Variants in CFH observed in about 807,000 individuals in gnomAD.
The protein encoded by CFH is complement factor H, also known as H factor 1 (complement).
In CFH, 53 loss-of-function variants were observed where a neutral mutation model predicts 147.3. The observed-to-expected ratio is 0.36, with a 90% CI of 0.29 to 0.45. The LOEUF (loss-of-function observed/expected upper bound fraction) is 0.45, where lower values mean the gene tolerates loss of function less well. CFH is among the 20% of genes least tolerant of loss of function. The pLI, the probability that CFH is intolerant of heterozygous loss-of-function variation, is 1.00. For synonymous variants in CFH, 536 were observed against 489.4 expected, an observed-to-expected ratio of 1.10 and a Z score of -1.26; for missense variants, 1,380 against 1,498.0, an observed-to-expected ratio of 0.92 and a Z score of 1.30.
At chr1:196,662,699 C>T (rs562540653) in intron 1 of CFH, among the ~76,000 whole-genome samples, 8 of 151,718 alleles carry the variant, frequency 5.3e-5, no homozygotes, top group Middle Eastern at 3.4e-3. Context: ...CTGGGCAAAA[C>T]GGCAAAACCT....
rs773951949 is a variant in CFH, at chr1:196,675,955, T to C, written c.351-34T>C. On this transcript the variant is annotated intron_variant, in intron 3 of 21. Transcript: ENST00000367429. The stretch of plus-strand genomic sequence containing the variant: ...GTTTAAAACTGCATGTAAACACACA[T>C]TATGTCAACGTTCTGTTATTTTTTG... The C allele has an allele frequency of 4.9e-6, 7 of 1,416,572 alleles. No individual in the cohort carries two copies. The African/African-American group carries it at 8.5e-5, about 17-fold the overall frequency. 87.8% of individuals were successfully genotyped at this position (1,416,572 alleles called of 1,614,324 possible). A position where few individuals can be genotyped will look rare whatever the true frequency, so the allele number is the denominator to read the frequency against.
chr1:196,663,950 C>T (rs1251548010), intron 1 of CFH, among the ~76,000 whole-genome samples: 1 of 152,136 alleles, frequency 6.6e-6, no homozygotes, highest in Non-Finnish European at 1.5e-5. Context: ...TGCCTGTTTT[C>T]CTTTCTGGGT....
At chr1:196,685,455 T>G (rs1253413483) in intron 7 of CFH, among the ~76,000 whole-genome samples, 1 of 152,126 alleles carries the variant, frequency 6.6e-6, no homozygotes, top group Non-Finnish European at 1.5e-5. Context: ...TTTCCCTAAT[T>G]AATAAATTAT....
intron 6 of CFH, among the ~76,000 whole-genome samples, chr1:196,684,692 G>A (rs545275482): frequency 6.6e-6 from 1 of 152,078 alleles, no homozygotes; most frequent in African/African-American, 2.4e-5. Flanking sequence ...TTGTCCAGAA[G>A]AAAGAAACAC....
intron 16 of CFH, among the ~76,000 whole-genome samples, chr1:196,737,214 G>A (rs541441555): frequency 6.6e-6 from 1 of 152,214 alleles, no homozygotes; most frequent in South Asian, 2.1e-4. Flanking sequence ...TTATGTAAAT[G>A]TCAGATAACA....
intron 15 of CFH, among the ~76,000 whole-genome samples, chr1:196,730,214 C>T (rs532366952): frequency 1.3e-5 from 2 of 151,914 alleles, no homozygotes; most frequent in East Asian, 3.9e-4. Flanking sequence ...TTGATATAGG[C>T]AATTATTCCT....
At chr1:196,737,397 C>A in intron 16 of CFH, 78 bp from the exon 17 acceptor site, 1 of 1,036,804 alleles carries the variant, frequency 9.6e-7, no homozygotes, top group Non-Finnish European at 1.4e-6. Context: ...CTTTAAAATC[C>A]GAAATAGTAT....
chr1:196,711,615 G>T (rs1022205934), intron 9 of CFH, among the ~76,000 whole-genome samples: 1 of 151,562 alleles, frequency 6.6e-6, no homozygotes, highest in Non-Finnish European at 1.5e-5. Context: ...TTCTTTCAAG[G>T]CTTATTTTTA....
At chr1:196,741,397 A>T in intron 18 of CFH, 1 of 180,476 alleles carries the variant, frequency 5.5e-6, no homozygotes, top group South Asian at 1.1e-4. Context: ...GGAGTGAGTG[A>T]AGGAGGAACT....
At chr1:196,735,113 T>C (rs1263782445) in intron 15 of CFH, among the ~76,000 whole-genome samples, 2 of 152,188 alleles carry the variant, frequency 1.3e-5, no homozygotes, top group Non-Finnish European at 2.9e-5. Context: ...GTGTATGTTC[T>C]ATGTGTCGGG....
intron 18 of CFH, chr1:196,741,617 A>C: frequency 4.5e-6 from 2 of 442,092 alleles, no homozygotes; most frequent in Non-Finnish European, 8.2e-6. Context: ...GTGAACAAAA[A>C]AATGTGTAAT....
chr1:196,730,563 G>T (rs555254655), intron 15 of CFH, among the ~76,000 whole-genome samples: 1 of 151,828 alleles, frequency 6.6e-6, no homozygotes, highest in South Asian at 2.1e-4. Flanking sequence ...TTGTTATGTG[G>T]AATGTTCTTT....
intron 1 of CFH, among the ~76,000 whole-genome samples, chr1:196,656,913 T>C (rs1666719854): frequency 6.6e-6 from 1 of 152,164 alleles, no homozygotes; most frequent in African/African-American, 2.4e-5. Context: ...TCGTCTATTC[T>C]CCTATCTGCT....
At chr1:196,733,389 G>A (rs151170928) in intron 15 of CFH, among the ~76,000 whole-genome samples, 98 of 152,082 alleles carry the variant, frequency 6.4e-4, no homozygotes, top group African/African-American at 2.2e-3. Flanking sequence ...CCATCTATTT[G>A]CTTTACGATC....
Position 196,747,134 on chromosome 1 carries a change from A to T in CFH, c.3517A>T (p.Ile1173Phe). 1 of 1,613,858 alleles carries T rather than the reference A, an allele frequency of 6.2e-7. No individual in the cohort carries two copies. The highest frequency in any genetic ancestry group is 8.5e-7 in the Non-Finnish European group (1 of 1,179,828). ...CLHPCVISRE[I>F]MENYNIALRW... Reference sequence around the variant, plus strand: ...AGATCCGTGTGTAATATCCCGAGAAATTATGGAAAATTATAACATAGCATT... The same window carrying T: ...AGATCCGTGTGTAATATCCCGAGAATTTATGGAAAATTATAACATAGCATT... The change falls in exon 22 of 22, where the codon ATT (isoleucine) becomes TTT (phenylalanine). Residue 1173 changes from isoleucine (I) to phenylalanine (F), a missense_variant. This residue lies in a region of CFH where 123 missense variants were observed against 185.3 expected (regional missense o/e 0.66). Coordinates refer to ENST00000367429, the MANE Select transcript of CFH (RefSeq NM_000186.4).
At chr1:196,708,517 A>C (rs1418865830) in intron 9 of CFH, among the ~76,000 whole-genome samples, 2 of 152,202 alleles carry the variant, frequency 1.3e-5, no homozygotes, top group Non-Finnish European at 2.9e-5. Flanking sequence ...TCTCCTTACT[A>C]TGCCAAAAAT....
intron 9 of CFH, among the ~76,000 whole-genome samples, chr1:196,710,929 T>C (rs920348902): frequency 1.3e-5 from 2 of 152,102 alleles, no homozygotes; most frequent in Non-Finnish European, 2.9e-5. Context: ...CATGATAGTT[T>C]GTGGCTTCAG....
At chr1:196,672,950 G>A (rs759042534) in intron 1 of CFH, 28 bp from the exon 2 acceptor site, 2 of 1,578,010 alleles carry the variant, frequency 1.3e-6, no homozygotes, top group Non-Finnish European at 1.7e-6. Context: ...GACACTTTAT[G>A]CACTTATTTT....
chr1:196,740,908 T>C (rs1039667944), intron 18 of CFH, 116 bp downstream of exon 18: 3 of 1,062,178 alleles, frequency 2.8e-6, no homozygotes, highest in Non-Finnish European at 4.3e-6. Flanking sequence ...TTCTTGAATA[T>C]TCTGGACTGC....
Sources: gnomAD v4.1 joint callset for allele counts (sites outside exome capture counted in the v4.1 genomes callset) on GRCh38, gnomAD v4.1.1 for gene constraint, gnomAD v4.1.1 regional missense constraint, MANE v1.5 for transcripts, NCBI Gene and HGNC (gene_info 2026-07-23, HGNC 2026-07-21) for gene names.